Variants in CTNNA2 observed in about 807,000 individuals in gnomAD.
CTNNA2 encodes the protein catenin alpha-2.
Under a neutral mutation model 101.0 loss-of-function variants are expected in CTNNA2, and 42 were observed. The observed-to-expected ratio is 0.42, with a 90% CI of 0.32 to 0.54. CTNNA2 has a LOEUF of 0.54. Ranked by LOEUF, CTNNA2 falls within the 20% of genes least tolerant of loss-of-function variation. The probability of loss-of-function intolerance (pLI) is 0.14; values close to 1 mark genes in which losing one functional copy is unlikely to be tolerated. For missense variants in CTNNA2, 871 were observed against 1,223.1 expected (o/e 0.71, Z 4.29); for synonymous variants, 450 against 456.4 (o/e 0.99, Z 0.18).
At chr2:80,267,661 G>A (rs1305204749) in intron 7 of CTNNA2, among the ~76,000 whole-genome samples, 1 of 152,216 alleles carries the variant, frequency 6.6e-6, no homozygotes. Context: ...GGGTTCCTGG[G>A]CTGGTCTGGG....
chr2:79,261,688 A>T (rs919313444), intron 2 of CTNNA2, among the ~76,000 whole-genome samples: 5 of 152,196 alleles, frequency 3.3e-5, no homozygotes, highest in African/African-American at 1.2e-4. Context: ...GATCTTTTGG[A>T]TTAGGGCCCC....
At chr2:79,599,778 C>T (rs1343894838) in intron 1 of CTNNA2, among the ~76,000 whole-genome samples, 2 of 152,144 alleles carry the variant, frequency 1.3e-5, no homozygotes, top group Non-Finnish European at 2.9e-5. Flanking sequence ...TTTAAAGTCA[C>T]ATTTTTTCTG....
At chr2:79,519,837 GAAGGTAC>G (rs1372771249) in intron 1 of CTNNA2, among the ~76,000 whole-genome samples, 1 of 152,090 alleles carries the variant, frequency 6.6e-6, no homozygotes, top group Admixed American at 6.5e-5. Flanking sequence ...TTCCTACATT[GAAGGTAC>G]AAGTCAGTTG....
At chr2:79,583,855 C>A (rs1676302585) in intron 1 of CTNNA2, among the ~76,000 whole-genome samples, 1 of 152,232 alleles carries the variant, frequency 6.6e-6, no homozygotes, top group Non-Finnish European at 1.5e-5. Flanking sequence ...TTTGTTTTTC[C>A]ATTACATTGA....
At chr2:80,038,983 A>G (rs1488888650) in intron 7 of CTNNA2, among the ~76,000 whole-genome samples, 1 of 152,222 alleles carries the variant, frequency 6.6e-6, no homozygotes, top group Non-Finnish European at 1.5e-5. Context: ...TAGCTGAGAC[A>G]GGAAGGCAGT....
At chr2:79,814,684 G>T (rs914024248) in intron 3 of CTNNA2, among the ~76,000 whole-genome samples, 10 of 150,826 alleles carry the variant, frequency 6.6e-5, no homozygotes, top group African/African-American at 2.5e-4. Flanking sequence ...TTGATTGATG[G>T]GCATTTGTGT....
At chr2:79,410,588 A>G (rs1234481020) in intron 4 of CTNNA2, among the ~76,000 whole-genome samples, 1 of 152,084 alleles carries the variant, frequency 6.6e-6, no homozygotes, top group Non-Finnish European at 1.5e-5. Context: ...TTCAGTTTAT[A>G]TGCTGGATTA....
At chr2:79,664,705 C>CTTTTTTTTTTTTTTTTTT (rs67782114) in intron 2 of CTNNA2, among the ~76,000 whole-genome samples, 9 of 94,986 alleles carry the variant, frequency 9.5e-5, no homozygotes, top group African/African-American at 3.5e-4. Flanking sequence ...TCACATTCTT[C>CTTTTTTTTTTTTTTTTTT]TTTTTTTTTT....
At chr2:79,566,640 A>G (rs1486877451) in intron 1 of CTNNA2, among the ~76,000 whole-genome samples, 1 of 152,124 alleles carries the variant, frequency 6.6e-6, no homozygotes, top group Non-Finnish European at 1.5e-5. Flanking sequence ...GATAATTATG[A>G]TTATTTGAGT....
rs201271759 is a variant in CTNNA2 at position 80,245,920 on chromosome 2, G to A, written c.1057-147291G>A. Among the ~76,000 whole-genome samples the A allele has an allele frequency of 5.6e-5, 8 of 142,656 alleles. No homozygotes were observed. In the East Asian group the frequency reaches 1.6e-3, roughly 28 times the overall value. 93.6% of individuals were successfully genotyped at this position (142,656 alleles called of 152,430 possible). Reference sequence around the variant, plus strand: ...CGCCATTCTCCTGCCTCAGCCTTCCGAGTAGCTGGGACTACAGGTGCCCAC... The same window carrying A: ...CGCCATTCTCCTGCCTCAGCCTTCCAAGTAGCTGGGACTACAGGTGCCCAC... On this transcript the variant is annotated intron_variant, in intron 7 of 18. Coordinates refer to ENST00000402739, the MANE Select transcript of CTNNA2 (RefSeq NM_001282597.3).
At chr2:80,093,646 C>G (rs931760149) in intron 7 of CTNNA2, among the ~76,000 whole-genome samples, 12 of 151,636 alleles carry the variant, frequency 7.9e-5, no homozygotes, top group African/African-American at 2.9e-4. Context: ...TCCTATTTCT[C>G]CACATCCTCT....
chr2:79,922,450 G>A (rs72807325), intron 7 of CTNNA2, among the ~76,000 whole-genome samples: 260 of 152,212 alleles, frequency 1.7e-3, no homozygotes, highest in Non-Finnish European at 3.2e-3. Flanking sequence ...TCTTATGGAT[G>A]TGGTAAATGC....
intron 7 of CTNNA2, among the ~76,000 whole-genome samples, chr2:80,311,434 C>T (rs1677578244): frequency 6.6e-6 from 1 of 152,140 alleles, no homozygotes; most frequent in Non-Finnish European, 1.5e-5. Flanking sequence ...GTATTTCTGT[C>T]TGCCTTTGTT....
intron 2 of CTNNA2, among the ~76,000 whole-genome samples, chr2:79,272,816 GA>G (rs1253532321): frequency 6.6e-6 from 1 of 151,962 alleles, no homozygotes; most frequent in Non-Finnish European, 1.5e-5. Context: ...TTTTGATAGT[GA>G]AATTTAACCC....
intron 1 of CTNNA2, among the ~76,000 whole-genome samples, chr2:79,562,667 A>G (rs2104141358): frequency 6.6e-6 from 1 of 152,236 alleles, no homozygotes; most frequent in African/African-American, 2.4e-5. Context: ...TTTAACTTTA[A>G]CATTTATAGA....
intron 7 of CTNNA2, among the ~76,000 whole-genome samples, chr2:79,942,451 C>T (rs542847771): frequency 2.0e-5 from 3 of 152,080 alleles, no homozygotes; most frequent in South Asian, 4.2e-4. Flanking sequence ...GTAGGAGACA[C>T]GAAGAAAACA....
At chr2:79,673,718 G>C (rs1252529154) in intron 2 of CTNNA2, among the ~76,000 whole-genome samples, 1 of 152,178 alleles carries the variant, frequency 6.6e-6, no homozygotes, top group African/African-American at 2.4e-5. Flanking sequence ...GTGTGTGTAT[G>C]TGTGGTTCTA....
chr2:79,197,834 T>G (rs1572974380), intron 1 of CTNNA2: 1 of 152,340 alleles, frequency 6.6e-6, no homozygotes, highest in South Asian at 2.1e-4. Context: ...AGTGTAGTGG[T>G]GCAACCTCAG....
chr2:80,012,543 A>G (rs923771208), intron 7 of CTNNA2, among the ~76,000 whole-genome samples: 1 of 152,214 alleles, frequency 6.6e-6, no homozygotes, highest in African/African-American at 2.4e-5. Context: ...TAGGCTTTCT[A>G]AGCCATATGG....
Sources: allele counts gnomAD v4.1 joint callset (sites outside exome capture counted in the v4.1 genomes callset), GRCh38; gene constraint gnomAD v4.1.1; transcripts MANE v1.5; gene names NCBI Gene and HGNC (gene_info 2026-07-23, HGNC 2026-07-21).